Variants in MARCHF1 observed in about 807,000 individuals in gnomAD.
The protein encoded by MARCHF1 is membrane associated ring-CH-type finger 1.
MARCHF1 carries 40 observed loss-of-function variants against 54.2 expected under a neutral mutation model. The observed-to-expected ratio is 0.74, with a 90% confidence interval of 0.57 to 0.96. MARCHF1 has a LOEUF of 0.96. MARCHF1 is among the 40% of genes least tolerant of loss of function. The pLI, the probability that MARCHF1 is intolerant of heterozygous loss-of-function variation, is 0.00. For synonymous variants in MARCHF1, 236 were observed against 236.3 expected (o/e 1.00, Z 0.01); for missense variants, 586 against 656.5 (o/e 0.89, Z 1.17).
At chr4:164,023,438 T>C (rs1350320227) in intron 2 of MARCHF1, among the ~76,000 whole-genome samples, 1 of 152,170 alleles carries the variant, frequency 6.6e-6, no homozygotes, top group Non-Finnish European at 1.5e-5. Flanking sequence ...CACCATCTAT[T>C]GGATCATAGC....
intron 4 of MARCHF1, among the ~76,000 whole-genome samples, chr4:163,703,444 G>A (rs1348087768): frequency 6.6e-6 from 1 of 152,082 alleles, no homozygotes; most frequent in Non-Finnish European, 1.5e-5. Flanking sequence ...TTAATTGGGT[G>A]GCTTGTCCCA....
chr4:164,128,124 C>G (rs1756225571), intron 1 of MARCHF1, among the ~76,000 whole-genome samples: 1 of 152,086 alleles, frequency 6.6e-6, no homozygotes, highest in Non-Finnish European at 1.5e-5. Context: ...AAAATTGGAT[C>G]TATGTCTAAC....
intron 2 of MARCHF1, among the ~76,000 whole-genome samples, chr4:164,089,658 A>G (rs1415843545): frequency 7.2e-6 from 1 of 138,314 alleles, no homozygotes; most frequent in South Asian, 2.1e-4. Context: ...ATTTACAAAT[A>G]TGGTTACAGT....
intron 1 of MARCHF1, among the ~76,000 whole-genome samples, chr4:164,268,671 A>G (rs1733670228): frequency 6.6e-6 from 1 of 152,188 alleles, no homozygotes; most frequent in South Asian, 2.1e-4. Flanking sequence ...AACCTTTATC[A>G]TTATAATACA....
chr4:163,535,205 T>A (rs1182804629), intron 9 of MARCHF1, among the ~76,000 whole-genome samples: 3 of 151,978 alleles, frequency 2.0e-5, no homozygotes, highest in Non-Finnish European at 4.4e-5. Flanking sequence ...GAAAAAAAAT[T>A]GAGGGGGGTA....
chr4:163,896,240 T>C lies in MARCHF1; in HGVS notation c.-38-42071A>G, dbSNP rs201120564. On this transcript the variant is annotated intron_variant, in intron 3 of 9. Transcript: ENST00000514618. ...ATTATAACAACAATAATAGAGATGA[T>C]GAAATCAAGAAGAACAGAATCTACA... Among the ~76,000 whole-genome samples, 3 of 152,306 alleles carry C rather than the reference T, an allele frequency of 2.0e-5. No homozygotes were observed. The East Asian group carries it at 5.8e-4, about 29-fold the overall frequency.
intron 3 of MARCHF1, among the ~76,000 whole-genome samples, chr4:163,917,784 T>C (rs968976554): frequency 7.2e-5 from 11 of 152,114 alleles, no homozygotes; most frequent in Admixed American, 5.2e-4. Flanking sequence ...TCTCACCGCT[T>C]ATAGATTCTA....
At position 163,912,694 on chromosome 4, in the gene MARCHF1, A is replaced by G. The variant is rs557718262; in HGVS notation, c.-38-58525T>C. ...TCTTCTTCTTGTTTGTGATAATGGA[A>G]GAAGCAAAACAGATTAAGACAAAAC... is the stretch of plus-strand genomic sequence containing the variant. On this transcript the variant is annotated intron_variant, in intron 3 of 9. Transcript: ENST00000514618. Among the ~76,000 whole-genome samples, 3 of 152,314 alleles carry G rather than the reference A, an allele frequency of 2.0e-5. No individual in the cohort carries two copies. The East Asian group carries it at 5.8e-4, about 29-fold the overall frequency.
At chr4:163,787,266 T>C (rs1366122584) in intron 4 of MARCHF1, among the ~76,000 whole-genome samples, 1 of 151,270 alleles carries the variant, frequency 6.6e-6, no homozygotes, top group Non-Finnish European at 1.5e-5. Context: ...AGCATCAAAA[T>C]GGACAATCAA....
At chr4:164,120,202 C>G (rs1756036884) in intron 1 of MARCHF1, among the ~76,000 whole-genome samples, 1 of 151,984 alleles carries the variant, frequency 6.6e-6, no homozygotes, top group African/African-American at 2.4e-5. Flanking sequence ...TTAGACAAAA[C>G]AGACTTCAAG....
chr4:164,003,092 T>A (rs1393391120), intron 2 of MARCHF1, among the ~76,000 whole-genome samples: 1 of 151,882 alleles, frequency 6.6e-6, no homozygotes, highest in Non-Finnish European at 1.5e-5. Flanking sequence ...GGGTCTTAGA[T>A]GTTAAATAGC....
intron 5 of MARCHF1, among the ~76,000 whole-genome samples, chr4:163,631,966 G>T (rs1235379527): frequency 6.6e-6 from 1 of 151,966 alleles, no homozygotes; most frequent in Non-Finnish European, 1.5e-5. Context: ...ATACACCAAC[G>T]GCCAAAAAAC....
intron 1 of MARCHF1, chr4:164,189,978 G>T: frequency 6.6e-7 from 1 of 1,508,200 alleles, no homozygotes. Flanking sequence ...CCTGACACCT[G>T]AAGAAATCAA....
intron 1 of MARCHF1, among the ~76,000 whole-genome samples, chr4:164,176,922 T>C (rs1730678609): frequency 1.4e-5 from 2 of 140,102 alleles, no homozygotes; most frequent in Non-Finnish European, 3.1e-5. Context: ...AATTTGTTAT[T>C]TATCTGAGTA....
chr4:163,773,932 C>T (rs1579276006), intron 4 of MARCHF1, among the ~76,000 whole-genome samples: 1 of 152,024 alleles, frequency 6.6e-6, no homozygotes, highest in Non-Finnish European at 1.5e-5. Context: ...AAAACAGGTC[C>T]AATTGCCATT....
intron 5 of MARCHF1, among the ~76,000 whole-genome samples, chr4:163,643,953 A>T (rs1430089003): frequency 6.6e-6 from 1 of 152,176 alleles, no homozygotes; most frequent in African/African-American, 2.4e-5. Flanking sequence ...AAATGACAAT[A>T]GTATTGTGTA....
intron 3 of MARCHF1, among the ~76,000 whole-genome samples, chr4:163,886,778 T>A (rs1012820841): frequency 6.6e-6 from 1 of 152,088 alleles, no homozygotes; most frequent in Non-Finnish European, 1.5e-5. Flanking sequence ...TCCTTGATGA[T>A]AATAAAGTCA....
chr4:164,301,530 C>T (rs1203996016), intron 1 of MARCHF1, among the ~76,000 whole-genome samples: 2 of 152,010 alleles, frequency 1.3e-5, no homozygotes, highest in Admixed American at 6.6e-5. Flanking sequence ...CTCAGGAGAG[C>T]GGATAGGGCT....
In MARCHF1 at chr4:163,870,955, G is replaced by A. The variant is rs879474963; in HGVS notation, c.-38-16786C>T. Among the ~76,000 whole-genome samples the A allele has an allele frequency of 2.6e-5, 4 of 152,076 alleles. No homozygotes were observed. The South Asian group carries it at 6.2e-4, about 24-fold the overall frequency. The stretch of plus-strand genomic sequence containing the variant: ...TGACTATAATTAACAATAATTTATC[G>A]TATATTTTCAAATAGCTATAAAGAA... On this transcript the variant is annotated intron_variant, in intron 3 of 9. Transcript: ENST00000514618.
Sources: gnomAD v4.1 joint callset for allele counts (sites outside exome capture counted in the v4.1 genomes callset) on GRCh38, gnomAD v4.1.1 for gene constraint, MANE v1.5 for transcripts, NCBI Gene and HGNC (gene_info 2026-07-23, HGNC 2026-07-21) for gene names.